The following MYT1L variants were observed in gnomAD, a reference collection of about 807,000 sequenced individuals.
MYT1L encodes myelin transcription factor 1 like.
In MYT1L, 12 loss-of-function variants were observed where a neutral mutation model predicts 126.7. That is an observed-to-expected ratio of 0.09 (90% CI 0.06 to 0.15). The LOEUF (loss-of-function observed/expected upper bound fraction) is 0.15. Among genes scored for constraint, MYT1L ranks in the 10% least tolerant of loss-of-function variants. The probability of loss-of-function intolerance (pLI) is 1.00; values close to 1 mark genes in which losing one functional copy is unlikely to be tolerated. For missense variants in MYT1L, 979 were observed against 1,585.2 expected (o/e 0.62, Z 6.49); for synonymous variants, 541 against 604.2 (o/e 0.90, Z 1.53).
chr2:2,256,553 C>G (rs2094818705), intron 2 of MYT1L, among the ~76,000 whole-genome samples: 1 of 152,176 alleles, frequency 6.6e-6, no homozygotes, highest in Non-Finnish European at 1.5e-5. Context: ...TAAAGTTTGT[C>G]AACTACTGTT....
At chr2:1,862,480 G>A (rs914469221) in intron 18 of MYT1L, among the ~76,000 whole-genome samples, 11 of 152,134 alleles carry the variant, frequency 7.2e-5, no homozygotes, top group African/African-American at 2.7e-4. Context: ...GTGATCTATG[G>A]GGTGAGTTCA....
intron 1 of MYT1L, among the ~76,000 whole-genome samples, chr2:2,328,795 A>T (rs2096267428): frequency 1.3e-5 from 2 of 152,342 alleles, no homozygotes; most frequent in South Asian, 4.1e-4. Flanking sequence ...TAACATATTG[A>T]TATGTTTGAA....
chr2:1,862,105 C>T (rs2044762366), intron 18 of MYT1L, among the ~76,000 whole-genome samples: 1 of 152,168 alleles, frequency 6.6e-6, no homozygotes, highest in South Asian at 2.1e-4. Flanking sequence ...GATTTTAAAA[C>T]TTTTTTGGGG....
chr2:1,948,897 T>C (rs570742935), intron 8 of MYT1L, among the ~76,000 whole-genome samples: 6 of 152,380 alleles, frequency 3.9e-5, no homozygotes, highest in African/African-American at 1.2e-4. Flanking sequence ...CCTAGATTTA[T>C]ATCTCTTTTT....
chr2:1,951,075 T>C (rs2057710445), intron 8 of MYT1L, among the ~76,000 whole-genome samples: 1 of 151,826 alleles, frequency 6.6e-6, no homozygotes, highest in South Asian at 2.1e-4. Context: ...CTGGCTTGGT[T>C]TTGGTTGGGA....
intron 2 of MYT1L, among the ~76,000 whole-genome samples, chr2:2,249,639 C>T (rs926522254): frequency 6.6e-5 from 10 of 151,990 alleles, no homozygotes; most frequent in African/African-American, 2.4e-4. Flanking sequence ...AGTAATACCC[C>T]ACAAACACAA....
At chr2:2,171,546 C>A (rs2090052243) in intron 3 of MYT1L, among the ~76,000 whole-genome samples, 1 of 152,174 alleles carries the variant, frequency 6.6e-6, no homozygotes, top group Non-Finnish European at 1.5e-5. Context: ...AGTTCAGAAA[C>A]TTTAACTGCT....
At chr2:2,083,171 T>A (rs900296261) in intron 3 of MYT1L, among the ~76,000 whole-genome samples, 3 of 152,218 alleles carry the variant, frequency 2.0e-5, no homozygotes, top group Admixed American at 2.0e-4. Context: ...CCAGTTGGAA[T>A]ACTTTTGCTT....
At chr2:1,952,450 G>C (rs1241146228) in intron 8 of MYT1L, among the ~76,000 whole-genome samples, 2 of 152,060 alleles carry the variant, frequency 1.3e-5, no homozygotes, top group African/African-American at 4.8e-5. Context: ...CTTGGAGGTA[G>C]ATAAAGTGCA....
At position 1,833,838 on chromosome 2, in the gene MYT1L, G is replaced by A. The variant is rs938461684; in HGVS notation, c.3080+5311C>T. The stretch of plus-strand genomic sequence containing the variant: ...ACGACTCAGCTCAGGGAGCAGGATC[G>A]GGGAAAGGAGCCCTCCTGCCTAACC... On this transcript the variant is annotated intron_variant, in intron 21 of 24. Coordinates refer to ENST00000647738, the MANE Select transcript of MYT1L (RefSeq NM_001303052.2). 4.5e-5 allele frequency among the ~76,000 whole-genome samples: 6 copies of A among 131,908 alleles called. No individual in the cohort carries two copies. The East Asian group carries it at 8.5e-4, about 19-fold the overall frequency. 86.5% of individuals were successfully genotyped at this position (131,908 alleles called of 152,430 possible). A position where few individuals can be genotyped will look rare whatever the true frequency, so the allele number is the denominator to read the frequency against.
chr2:2,262,102 AT>A (rs1394441852), intron 2 of MYT1L, among the ~76,000 whole-genome samples: 4 of 152,130 alleles, frequency 2.6e-5, no homozygotes, highest in African/African-American at 9.7e-5. Context: ...TATTTTTTAC[AT>A]TTTTTCAGTG....
intron 18 of MYT1L, among the ~76,000 whole-genome samples, chr2:1,879,133 C>T (rs558344938): frequency 3.2e-4 from 48 of 152,320 alleles, no homozygotes; most frequent in South Asian, 3.1e-3. Flanking sequence ...GTGCACCCAA[C>T]GGCCCTTGAG....
chr2:1,951,324 G>C (rs77841387), intron 8 of MYT1L, among the ~76,000 whole-genome samples: 1,852 of 152,112 alleles, frequency 0.012, 42 homozygotes, highest in African/African-American at 0.042. Flanking sequence ...TTGGGGACTG[G>C]GGAGGGAAGA....
At chr2:2,296,919 A>G (rs1005453037) in intron 1 of MYT1L, among the ~76,000 whole-genome samples, 16 of 152,158 alleles carry the variant, frequency 1.1e-4, no homozygotes, top group African/African-American at 3.9e-4. Context: ...CAGAAAACAA[A>G]TGATGCTCAC....
At chr2:2,328,642 T>G (rs778233324) in intron 1 of MYT1L, among the ~76,000 whole-genome samples, 2 of 152,270 alleles carry the variant, frequency 1.3e-5, no homozygotes, top group African/African-American at 2.4e-5. Context: ...TCTACCTTAC[T>G]GTGACACCAG....
chr2:1,859,169 C>A (rs2044266673), intron 18 of MYT1L, among the ~76,000 whole-genome samples: 1 of 152,114 alleles, frequency 6.6e-6, no homozygotes, highest in Admixed American at 6.5e-5. Context: ...AAAATGATGT[C>A]TAGGATATTC....
At chr2:2,091,021 C>T (rs188380052) in intron 3 of MYT1L, among the ~76,000 whole-genome samples, 1 of 152,292 alleles carries the variant, frequency 6.6e-6, no homozygotes, top group African/African-American at 2.4e-5. Context: ...CCACTGAAGT[C>T]TTGGGTGAAC....
At chr2:1,941,234 C>G (rs775002360) in intron 9 of MYT1L, among the ~76,000 whole-genome samples, 1 of 152,008 alleles carries the variant, frequency 6.6e-6, no homozygotes, top group African/African-American at 2.4e-5. Context: ...GGTTAAGGCC[C>G]CTGGTGTAAA....
At chr2:2,113,536 G>A (rs964444884) in intron 3 of MYT1L, among the ~76,000 whole-genome samples, 4 of 152,174 alleles carry the variant, frequency 2.6e-5, no homozygotes, top group Non-Finnish European at 5.9e-5. Context: ...GGTGGGGCCC[G>A]CAGGCTTCCC....
Sources: gnomAD v4.1 joint callset for allele counts (sites outside exome capture counted in the v4.1 genomes callset) on GRCh38, gnomAD v4.1.1 for gene constraint, MANE v1.5 for transcripts, NCBI Gene and HGNC (gene_info 2026-07-23, HGNC 2026-07-21) for gene names.